SIGLECL1: variants seen among roughly 807,000 people sequenced by gnomAD.
SIGLECL1 encodes SIGLEC family like 1, also known as SIGLEC family-like protein 1.
A neutral mutation model predicts 19.1 loss-of-function variants in SIGLECL1; 16 were observed. That is an observed-to-expected ratio of 0.84 (90% confidence interval 0.57 to 1.27). SIGLECL1 has a LOEUF of 1.27. Ranked by LOEUF, SIGLECL1 falls within the 50% of genes most tolerant of loss-of-function variation. The pLI, the probability that SIGLECL1 is intolerant of heterozygous loss-of-function variation, is 0.00. For missense variants in SIGLECL1, 210 were observed against 239.4 expected (o/e 0.88, Z 0.81); for synonymous variants, 89 against 90.4 (o/e 0.98, Z 0.09).
At chr19:51,249,303 G>A (rs941206144), upstream of SIGLECL1, among the ~76,000 whole-genome samples, 1 of 152,094 alleles carries the variant, frequency 6.6e-6, no homozygotes. Flanking sequence ...AAGAGGGGCT[G>A]GCAGATGTTT....
intron 1 of SIGLECL1, among the ~76,000 whole-genome samples, chr19:51,253,388 A>AAG (rs72103957): frequency 0.24 from 35,714 of 151,864 alleles, 7,309 homozygotes; most frequent in African/African-American, 0.53. Flanking sequence ...ATTTAAAAAA[A>AAG]AGAGAGAGAG....
intron 5 of SIGLECL1, 146 bp downstream of exon 5, chr19:51,267,675 A>G (rs1599803486): frequency 1.1e-6 from 1 of 882,500 alleles, no homozygotes; most frequent in East Asian, 2.5e-5. Context: ...AGGTCATTTT[A>G]TAAATAGGAA....
At chr19:51,256,271 T>C (rs10402797) in intron 1 of SIGLECL1, among the ~76,000 whole-genome samples, 28,678 of 152,134 alleles carry the variant, frequency 0.19, 4,256 homozygotes, top group African/African-American at 0.37. Context: ...TTCCAAGAAC[T>C]GAATGATGAT....
At chr19:51,249,644 T>C (rs1982379049), upstream of SIGLECL1, among the ~76,000 whole-genome samples, 1 of 152,106 alleles carries the variant, frequency 6.6e-6, no homozygotes, top group African/African-American at 2.4e-5. Context: ...AGTGAGCTTC[T>C]ATTCTAGTGG....
chr19:51,256,123 G>C (rs1040295869), intron 1 of SIGLECL1: 1 of 151,704 alleles, frequency 6.6e-6, no homozygotes, highest in African/African-American at 2.4e-5. Context: ...TTCAAATAAT[G>C]TCATTTTGTT....
chr19:51,268,343 AG>A (rs1201294290), intron 5 of SIGLECL1, among the ~76,000 whole-genome samples: 1 of 152,110 alleles, frequency 6.6e-6, no homozygotes, highest in African/African-American at 2.4e-5. Flanking sequence ...GAGGAGTCTA[AG>A]GAACAGTCAG....
At chr19:51,254,798 T>C (rs915366947) in intron 1 of SIGLECL1, among the ~76,000 whole-genome samples, 1 of 152,146 alleles carries the variant, frequency 6.6e-6, no homozygotes, top group African/African-American at 2.4e-5. Flanking sequence ...ATTTATGGTA[T>C]ATGAATTATA....
At chr19:51,260,582 A>G (rs1384557033) in intron 1 of SIGLECL1, among the ~76,000 whole-genome samples, 2 of 152,154 alleles carry the variant, frequency 1.3e-5, no homozygotes, top group African/African-American at 4.8e-5. Flanking sequence ...AAACATTTCT[A>G]TAAAGTATAC....
At chr19:51,261,785 T>C (rs8102922) in intron 1 of SIGLECL1, among the ~76,000 whole-genome samples, 4,909 of 152,306 alleles carry the variant, frequency 0.032, 293 homozygotes, top group African/African-American at 0.11. Context: ...TTTCTACTTG[T>C]CCCAACCGTT....
intron 1 of SIGLECL1, among the ~76,000 whole-genome samples, chr19:51,262,289 G>T (rs542201435): frequency 1.3e-5 from 2 of 152,180 alleles, no homozygotes; most frequent in African/African-American, 4.8e-5. Flanking sequence ...ACTACATATG[G>T]CTATTGAGCC....
upstream of SIGLECL1, among the ~76,000 whole-genome samples, chr19:51,249,013 A>G (rs1232387411): frequency 6.6e-6 from 1 of 152,132 alleles, no homozygotes; most frequent in Non-Finnish European, 1.5e-5. Flanking sequence ...TTCATGGGGT[A>G]ATGTTTGGGA....
rs1470826327 is a variant in SIGLECL1 at position 51,265,895 on chromosome 19, G to C, written c.410+13G>C. 33 of 1,613,226 alleles carry C rather than the reference G, an allele frequency of 2.0e-5. No homozygotes were observed. The highest frequency in any genetic ancestry group is 2.5e-5 in the Non-Finnish European group (30 of 1,179,298). On this transcript the variant is annotated intron_variant, in intron 4 of 5. Coordinates refer to ENST00000601727, the MANE Select transcript of SIGLECL1 (RefSeq NM_001385465.1). The stretch of plus-strand genomic sequence containing the variant: ...TCCTCCCTCTCATGTGAGTACTAGG[G>C]TTAATATTCACCCGCAAGCCTACTA...
At chr19:51,253,809 G>A (rs1296537175) in intron 1 of SIGLECL1, among the ~76,000 whole-genome samples, 2 of 152,202 alleles carry the variant, frequency 1.3e-5, no homozygotes, top group Non-Finnish European at 2.9e-5. Flanking sequence ...ATCTATGAAC[G>A]TAACGGCTGC....
intron 3 of SIGLECL1, 43 bp downstream of exon 3, chr19:51,265,692 C>G (rs199591888): frequency 8.1e-6 from 13 of 1,611,018 alleles, no homozygotes; most frequent in Non-Finnish European, 1.1e-5. Context: ...GGACAATAAG[C>G]GGGATGGGGA....
chr19:51,250,694 G>A (rs375082425), upstream of SIGLECL1, among the ~76,000 whole-genome samples: 241 of 152,324 alleles, frequency 1.6e-3, 2 homozygotes, highest in Middle Eastern at 0.017. Context: ...TCATCAGCAC[G>A]GGCTGGAAAG....
upstream of SIGLECL1, among the ~76,000 whole-genome samples, chr19:51,246,903 G>A (rs553131917): frequency 6.6e-6 from 1 of 152,276 alleles, no homozygotes; most frequent in African/African-American, 2.4e-5. Flanking sequence ...GGCTACAGAG[G>A]AAGATCTTCA....
rs377734292 is a variant in SIGLECL1 at position 51,252,901 on chromosome 19, G to T, written c.-191+1356G>T. Among the ~76,000 whole-genome samples the T allele has an allele frequency of 3.3e-5, 5 of 152,206 alleles. No homozygotes were observed. In the South Asian group the frequency reaches 1.0e-3, roughly 32 times the overall value. On this transcript the variant is annotated intron_variant, in intron 1 of 5. Coordinates refer to ENST00000601727, the MANE Select transcript of SIGLECL1 (RefSeq NM_001385465.1). Reference sequence around the variant, plus strand: ...GCACTTTGGGAGGCTGAGGTGAGAAGACTGCTTGAGCCCAGGAGTTCGAGA... The same window carrying T: ...GCACTTTGGGAGGCTGAGGTGAGAATACTGCTTGAGCCCAGGAGTTCGAGA...
intron 5 of SIGLECL1, among the ~76,000 whole-genome samples, chr19:51,268,251 T>C (rs548869391): frequency 6.6e-6 from 1 of 152,144 alleles, no homozygotes; most frequent in East Asian, 1.9e-4. Context: ...ACCTTCACAG[T>C]AGGGGATGCT....
intron 1 of SIGLECL1, among the ~76,000 whole-genome samples, chr19:51,261,038 T>C (rs866639257): frequency 6.6e-6 from 1 of 152,348 alleles, no homozygotes; most frequent in African/African-American, 2.4e-5. Flanking sequence ...ATTGTGGATG[T>C]CTGTTTCTCC....
Sources: allele counts gnomAD v4.1 joint callset (sites outside exome capture counted in the v4.1 genomes callset), GRCh38; gene constraint gnomAD v4.1.1; transcripts MANE v1.5; gene names NCBI Gene and HGNC (gene_info 2026-07-23, HGNC 2026-07-21).